ZXDC: variants seen among roughly 807,000 people sequenced by gnomAD.
ZXDC encodes the protein zinc finger protein ZXDC.
A neutral mutation model predicts 63.6 loss-of-function variants in ZXDC; 58 were observed. The observed-to-expected ratio is 0.91, with a 90% confidence interval of 0.74 to 1.13. The LOEUF (loss-of-function observed/expected upper bound fraction) is 1.13. Among genes scored for constraint, ZXDC ranks in the 50% most tolerant of loss-of-function variants. The pLI is 0.00. For synonymous variants in ZXDC, 561 were observed against 496.1 expected (o/e 1.13, Z -1.74); for missense variants, 1,133 against 1,148.9 (o/e 0.99, Z 0.20).
chr3:126,452,564 G>C lies in ZXDC; in HGVS notation c.2212+7089C>G, dbSNP rs981229083. 49 of 982,088 alleles carry C rather than the reference G, an allele frequency of 5.0e-5. 1 individual carries two copies. The African/African-American group carries it at 7.7e-4, about 15-fold the overall frequency. The allele number at this position is 982,088 out of a possible 1,614,324, so 60.8% of individuals were successfully genotyped here. A position where few individuals can be genotyped will look rare whatever the true frequency, so the allele number is the denominator to read the frequency against. ...TGAGAGAATAATAAAGTTATTCACC[G>C]ATCTATTATTGAGATAATGCAATTA... On this transcript the variant is annotated intron_variant, in intron 7 of 9. Coordinates refer to ENST00000389709, the MANE Select transcript of ZXDC (RefSeq NM_025112.5).
intron 5 of ZXDC, among the ~76,000 whole-genome samples, chr3:126,464,385 GACC>G (rs2107651217): frequency 6.6e-6 from 1 of 152,224 alleles, no homozygotes; most frequent in East Asian, 1.9e-4. Context: ...CCACTCCCAG[GACC>G]ACCATTAGGG....
At chr3:126,459,554 C>G (rs1204617687) in intron 7 of ZXDC, 99 bp downstream of exon 7, 2 of 1,572,748 alleles carry the variant, frequency 1.3e-6, no homozygotes, top group African/African-American at 2.7e-5. Flanking sequence ...AAAAGTAAAA[C>G]CAAGAGCACA....
intron 4 of ZXDC, 127 bp downstream of exon 4, chr3:126,470,768 A>C (rs1576691777): frequency 1.5e-6 from 2 of 1,351,564 alleles, no homozygotes; most frequent in East Asian, 4.7e-5. Context: ...AAGTAAACAT[A>C]ATGCTGCAAC....
chr3:126,452,554 G>A, intron 7 of ZXDC: 4 of 984,556 alleles, frequency 4.1e-6, no homozygotes, highest in Non-Finnish European at 4.8e-6. Context: ...GAATAATAAA[G>A]TTATTCACCG....
chr3:126,461,330 G>A (rs1389232876), intron 6 of ZXDC: 2 of 1,371,568 alleles, frequency 1.5e-6, no homozygotes, highest in South Asian at 1.9e-5. Flanking sequence ...CCTTATGCAG[G>A]AAATAAATGA....
At chr3:126,444,284 G>A (rs1933791290) in intron 7 of ZXDC, among the ~76,000 whole-genome samples, 1 of 152,200 alleles carries the variant, frequency 6.6e-6, no homozygotes, top group Admixed American at 6.5e-5. Flanking sequence ...TGTAATCCCA[G>A]CGCTTTGGGA....
rs1336964172 is a variant in ZXDC, at chr3:126,439,579, G to A, written c.2490+53C>T. The A allele has an allele frequency of 3.0e-5, 46 of 1,550,798 alleles. No individual in the cohort carries two copies. In the Middle Eastern group the frequency reaches 6.7e-4, roughly 23 times the overall value. On this transcript the variant is annotated intron_variant, in intron 9 of 9. Transcript: ENST00000389709. ...CTGTGAAGCCAGGCTTCTGGAAGTC[G>A]AAGGCTCTGCGAGTCTCAATAAGAA...
At chr3:126,470,313 A>C (rs1223852540) in intron 4 of ZXDC, among the ~76,000 whole-genome samples, 1 of 152,154 alleles carries the variant, frequency 6.6e-6, no homozygotes, top group Non-Finnish European at 1.5e-5. Context: ...CTAAAAGCAT[A>C]AAAATCAGCC....
In ZXDC at chr3:126,454,075, TG is replaced by T. The variant is rs920168686; in HGVS notation, c.2212+5577del. ...ACATATATATATATATTTTTTTTTT[TG>T]GTAAAGACTTTTGTATAGTTTTCCT... On this transcript the variant is annotated intron_variant, in intron 7 of 9. Coordinates refer to ENST00000389709, the MANE Select transcript of ZXDC (RefSeq NM_025112.5). 142 of 862,666 alleles carry T rather than the reference TG, an allele frequency of 1.6e-4. No individual in the cohort carries two copies. In the African/African-American group the frequency reaches 2.5e-3, roughly 15 times the overall value. The allele number at this position is 862,666 out of a possible 1,614,324, so 53.4% of individuals were successfully genotyped here.
chr3:126,447,230 C>T (rs1933916850), intron 7 of ZXDC, among the ~76,000 whole-genome samples: 1 of 152,196 alleles, frequency 6.6e-6, no homozygotes, highest in Non-Finnish European at 1.5e-5. Flanking sequence ...TGTAAGTGAA[C>T]AAGAATTGGG....
In ZXDC at chr3:126,455,022, G is replaced by A. The variant is rs897866984; in HGVS notation, c.2212+4631C>T. 6.3e-5 allele frequency: 62 copies of A among 985,278 alleles called. No homozygotes were observed. The African/African-American group carries it at 9.1e-4, about 14-fold the overall frequency. 61.0% of individuals were successfully genotyped at this position (985,278 alleles called of 1,614,324 possible). A position where few individuals can be genotyped will look rare whatever the true frequency, so the allele number is the denominator to read the frequency against. ...GGCTCCTAACCACATGCACAACAGC[G>A]AAGTCTTGACTGTTTCTAAATGACC... On this transcript the variant is annotated intron_variant, in intron 7 of 9. Transcript: ENST00000389709.
chr3:126,474,277 G>A (rs1426798821), intron 1 of ZXDC, among the ~76,000 whole-genome samples: 1 of 152,026 alleles, frequency 6.6e-6, no homozygotes, highest in African/African-American at 2.4e-5. Flanking sequence ...TGTTAGCCAG[G>A]ATGGTCTCGA....
rs973511836 is a variant in ZXDC, at chr3:126,460,290, A to C, written c.2128-553T>G. The C allele has an allele frequency of 2.8e-5, 15 of 530,892 alleles. No homozygotes were observed. In the African/African-American group the frequency reaches 2.9e-4, roughly 10 times the overall value. The allele number at this position is 530,892 out of a possible 1,614,324, so 32.9% of individuals were successfully genotyped here. On this transcript the variant is annotated intron_variant, in intron 6 of 9. Transcript: ENST00000389709. ...GTACTCAGAGGACATCAGCTGTTGC[A>C]AGTCTGTGAACGTTTCCTAAGAAAG...
intron 7 of ZXDC, chr3:126,458,825 T>C (rs963275033): frequency 3.6e-4 from 359 of 985,324 alleles, no homozygotes; most frequent in Admixed American, 7.4e-4. Context: ...TTGTGAACTG[T>C]TGAGGTGTCC....
chr3:126,473,683 A>G (rs1935065081), intron 1 of ZXDC, among the ~76,000 whole-genome samples: 1 of 152,250 alleles, frequency 6.6e-6, no homozygotes, highest in Non-Finnish European at 1.5e-5. Flanking sequence ...CCACAGGCAT[A>G]TGCGAGGGAA....
chr3:126,442,950 T>G (rs114247662), intron 7 of ZXDC: 2 of 152,234 alleles, frequency 1.3e-5, no homozygotes, highest in African/African-American at 4.8e-5. Flanking sequence ...AGAGCTGACT[T>G]GCCCTGCATA....
intron 4 of ZXDC, among the ~76,000 whole-genome samples, chr3:126,470,675 T>G (rs1382934871): frequency 6.6e-6 from 1 of 152,196 alleles, no homozygotes; most frequent in African/African-American, 2.4e-5. Context: ...GCCACAGATC[T>G]AATGAGGATC....
At chr3:126,461,310 A>G in intron 6 of ZXDC, 1 of 1,353,710 alleles carries the variant, frequency 7.4e-7, no homozygotes, top group Non-Finnish European at 9.5e-7. Flanking sequence ...GAAAGCATTT[A>G]GCCAAATCTC....
intron 7 of ZXDC, chr3:126,453,178 T>C: frequency 1.0e-6 from 1 of 985,446 alleles, no homozygotes; most frequent in African/African-American, 1.7e-5. Flanking sequence ...TAGAAAACTC[T>C]GCATTTTGTT....
Sources: allele counts gnomAD v4.1 joint callset (sites outside exome capture counted in the v4.1 genomes callset), GRCh38; gene constraint gnomAD v4.1.1; transcripts MANE v1.5; gene names NCBI Gene and HGNC (gene_info 2026-07-23, HGNC 2026-07-21).